EML4: variants seen among roughly 807,000 people sequenced by gnomAD.
EML4 encodes echinoderm microtubule-associated protein-like 4.
A neutral mutation model predicts 129.0 loss-of-function variants in EML4; 72 were observed. That is an observed-to-expected ratio of 0.56 (90% CI 0.46 to 0.68). The LOEUF is 0.68. Among genes scored for constraint, EML4 ranks in the 30% least tolerant of loss-of-function variants. The probability of loss-of-function intolerance (pLI) is 0.00; values close to 1 mark genes in which losing one functional copy is unlikely to be tolerated. For missense variants in EML4, 1,363 were observed against 1,190.6 expected, an observed-to-expected ratio of 1.14 and a Z score of -2.13; for synonymous variants, 532 against 405.0, an observed-to-expected ratio of 1.31 and a Z score of -3.77.
chr2:42,185,020 T>A (rs977273097), intron 1 of EML4, among the ~76,000 whole-genome samples: 3 of 152,206 alleles, frequency 2.0e-5, no homozygotes, highest in African/African-American at 7.2e-5. Flanking sequence ...GTAATCTAAT[T>A]TTCTCTCCTT....
At chr2:42,281,074 A>AG in intron 7 of EML4, 101 bp downstream of exon 7, 1 of 969,686 alleles carries the variant, frequency 1.0e-6, no homozygotes, top group Non-Finnish European at 1.5e-6. Context: ...CAAAAAAAAA[A>AG]AGTAACAGCT....
intron 1 of EML4, among the ~76,000 whole-genome samples, chr2:42,218,373 A>G (rs947294167): frequency 3.9e-5 from 6 of 152,010 alleles, no homozygotes; most frequent in Non-Finnish European, 7.4e-5. Context: ...TTATTTTATT[A>G]TATATTACAA....
At chr2:42,207,876 G>C (rs1006379159) in intron 1 of EML4, 1 of 152,132 alleles carries the variant, frequency 6.6e-6, no homozygotes, top group Admixed American at 6.5e-5. Context: ...AATCATATTT[G>C]AGCTATAGTT....
chr2:42,265,002 A>T lies in EML4; in HGVS notation c.667+271A>T, dbSNP rs1341554657. 6.0e-6 allele frequency: 9 copies of T among 1,507,102 alleles called. No homozygotes were observed. The African/African-American group carries it at 1.3e-4, about 21-fold the overall frequency. The allele number at this position is 1,507,102 out of a possible 1,614,324, so 93.4% of individuals were successfully genotyped here. A position where few individuals can be genotyped will look rare whatever the true frequency, so the allele number is the denominator to read the frequency against. ...GCCTTCTAAGTGAATTTTTTCCTGG[A>T]TCTCTTATTTGGCTTTTTATTATTT... On this transcript the variant is annotated intron_variant, in intron 6 of 22. Coordinates refer to ENST00000318522, the MANE Select transcript of EML4 (RefSeq NM_019063.5).
At chr2:42,324,114 G>C (rs1669665892) in intron 19 of EML4, among the ~76,000 whole-genome samples, 1 of 151,476 alleles carries the variant, frequency 6.6e-6, no homozygotes, top group African/African-American at 2.4e-5. Flanking sequence ...GGCCAACACA[G>C]GGAAACCCCG....
At chr2:42,308,892 C>T (rs1668769482) in intron 17 of EML4, among the ~76,000 whole-genome samples, 1 of 152,092 alleles carries the variant, frequency 6.6e-6, no homozygotes, top group East Asian at 1.9e-4. Flanking sequence ...AAGGTTTATC[C>T]ACGTTAAGTA....
intron 1 of EML4, among the ~76,000 whole-genome samples, chr2:42,242,740 G>A (rs921288227): frequency 6.5e-5 from 9 of 139,178 alleles, no homozygotes; most frequent in South Asian, 2.3e-4. Flanking sequence ...TTCTCGTCTC[G>A]TCTCGTCTCT....
chr2:42,326,123 A>G (rs367797754), intron 20 of EML4, 31 bp from the exon 21 acceptor site: 53 of 1,609,978 alleles, frequency 3.3e-5, no homozygotes, highest in Non-Finnish European at 4.1e-5. Flanking sequence ...CACAAGCACT[A>G]TGATTATACT....
intron 1 of EML4, among the ~76,000 whole-genome samples, chr2:42,217,175 C>G (rs768380180): frequency 2.0e-5 from 3 of 152,152 alleles, no homozygotes; most frequent in Non-Finnish European, 4.4e-5. Context: ...AGCTCAAGAG[C>G]TATGACATAT....
At position 42,274,646 on chromosome 2, in the gene EML4, C is replaced by G. The variant is rs80094969; in HGVS notation, c.668-6204C>G. Among the ~76,000 whole-genome samples the G allele has an allele frequency of 2.0e-4, 30 of 152,256 alleles. No individual in the cohort carries two copies. In the East Asian group the frequency reaches 5.6e-3, roughly 28 times the overall value. ...ATTACTTTAAAAACCATTATTTATA[C>G]GTGAGTATGAACCATTTTGAAAATA... On this transcript the variant is annotated intron_variant, in intron 6 of 22. Transcript: ENST00000318522.
intron 1 of EML4, among the ~76,000 whole-genome samples, chr2:42,189,728 G>A (rs767408381): frequency 1.5e-4 from 23 of 152,216 alleles, no homozygotes; most frequent in Non-Finnish European, 3.1e-4. Flanking sequence ...TACAGTTAGT[G>A]TGATAAAGCA....
intron 1 of EML4, among the ~76,000 whole-genome samples, chr2:42,235,371 A>C (rs1043834308): frequency 8.8e-6 from 1 of 113,582 alleles, no homozygotes; most frequent in Non-Finnish European, 1.9e-5. Flanking sequence ...AAGGCGCGAG[A>C]ATTACTTGAG....
intron 3 of EML4, among the ~76,000 whole-genome samples, chr2:42,260,112 G>T (rs971062623): frequency 6.6e-6 from 1 of 151,166 alleles, no homozygotes; most frequent in African/African-American, 2.4e-5. Context: ...TAATCCTCCT[G>T]CCTTGGCCTC....
intron 1 of EML4, among the ~76,000 whole-genome samples, chr2:42,205,349 T>G (rs1386009281): frequency 2.6e-5 from 4 of 152,218 alleles, no homozygotes; most frequent in Non-Finnish European, 5.9e-5. Context: ...TAATCTGTCC[T>G]TACACATAGT....
At position 42,329,866 on chromosome 2, in the gene EML4, T is replaced by A; in HGVS notation, c.2605T>A (p.Ser869Thr). The change falls in exon 23 of 23, where the codon TCT becomes ACT. Residue 869 changes from serine to threonine, a missense_variant. Ser to Thr is a moderately conservative substitution (Grantham distance 58). Coordinates refer to ENST00000318522, the MANE Select transcript of EML4 (RefSeq NM_019063.5). The part of the protein sequence containing the change: ...IIQWKLVEKL[S>T]LPQNETVADT... ...TCAGTGGAAACTTGTGGAAAAGTTA[T>A]CTTTGCCTCAGAATGAGACTGTAGC... is the stretch of plus-strand genomic sequence containing the variant. The A allele has an allele frequency of 2.5e-6, 4 of 1,614,146 alleles. No individual in the cohort carries two copies. Among genetic ancestry groups the A allele is most frequent in the Non-Finnish European group, 3.4e-6 (4 of 1,180,020 alleles).
chr2:42,225,754 T>G (rs1042519393), intron 1 of EML4, among the ~76,000 whole-genome samples: 2 of 152,278 alleles, frequency 1.3e-5, no homozygotes, highest in Admixed American at 1.3e-4. Flanking sequence ...CTTTTTTGCA[T>G]TTTTCTATTG....
At chr2:42,306,690 G>A (rs1668627007) in intron 17 of EML4, among the ~76,000 whole-genome samples, 1 of 149,426 alleles carries the variant, frequency 6.7e-6, no homozygotes, top group African/African-American at 2.5e-5. Context: ...TTTTAGTAGA[G>A]ACAGAGTTTC....
chr2:42,282,769 G>A lies in EML4; in HGVS notation c.792-54G>A, dbSNP rs1393362911. 2.0e-6 allele frequency: 3 copies of A among 1,507,626 alleles called. No homozygotes were observed. The East Asian group carries it at 6.8e-5, about 34-fold the overall frequency. 93.4% of individuals were successfully genotyped at this position (1,507,626 alleles called of 1,614,324 possible). Reference sequence around the variant, plus strand: ...TTCCTTAAGTATCCATGAAAAATCTGTTAACAACTTGAAAACTGTGTTTAT... The same window carrying A: ...TTCCTTAAGTATCCATGAAAAATCTATTAACAACTTGAAAACTGTGTTTAT... On this transcript the variant is annotated intron_variant, in intron 7 of 22. Transcript: ENST00000318522.
intron 1 of EML4, among the ~76,000 whole-genome samples, chr2:42,179,511 T>A (rs1454111780): frequency 6.6e-6 from 1 of 152,228 alleles, no homozygotes; most frequent in African/African-American, 2.4e-5. Flanking sequence ...AATATTTTTA[T>A]TCTTAGGAAA....
Sources: allele counts gnomAD v4.1 joint callset (sites outside exome capture counted in the v4.1 genomes callset), GRCh38; gene constraint gnomAD v4.1.1; transcripts MANE v1.5; gene names NCBI Gene and HGNC (gene_info 2026-07-23, HGNC 2026-07-21).